The following ATXN3 variants were observed in gnomAD, a reference collection of about 807,000 sequenced individuals.
ATXN3 encodes the protein ataxin 3.
ATXN3 carries 28 observed loss-of-function variants against 58.2 expected under a neutral mutation model. The observed-to-expected ratio is 0.48, with a 90% CI of 0.36 to 0.66. The LOEUF is 0.66. Ranked by LOEUF, ATXN3 falls within the 30% of genes least tolerant of loss-of-function variation. ATXN3 has a pLI of 0.00. For missense variants in ATXN3, 321 were observed against 422.1 expected (o/e 0.76, Z 2.10); for synonymous variants, 113 against 138.5 (o/e 0.82, Z 1.29).
intron 1 of ATXN3, among the ~76,000 whole-genome samples, chr14:92,097,910 CATTT>C (rs2065813307): frequency 6.6e-6 from 1 of 152,036 alleles, no homozygotes; most frequent in South Asian, 2.1e-4. Flanking sequence ...CATTTGGTAA[CATTT>C]ATTTTACAAA....
chr14:92,070,960 A>AC lies in ATXN3; in HGVS notation c.965dup (p.Ser322ArgfsTer8). On this transcript the variant is annotated frameshift_variant, in exon 10 of 11. Coordinates refer to ENST00000644486, the MANE Select transcript of ATXN3 (RefSeq NM_004993.6). LOFTEE classifies it high-confidence loss of function. ...CTAGATCACTCCCAAGTGCTCCTGA[A>AC]CTGGTGGCTGGCCTTTCACATGGAT... The AC allele has an allele frequency of 1.4e-6, 2 of 1,414,520 alleles. No individual in the cohort carries two copies. The highest frequency in any genetic ancestry group is 1.9e-6 in the Non-Finnish European group (2 of 1,080,796). 87.6% of individuals were successfully genotyped at this position (1,414,520 alleles called of 1,614,324 possible). A position where few individuals can be genotyped will look rare whatever the true frequency, so the allele number is the denominator to read the frequency against.
chr14:92,076,417 C>T (rs1167879325), intron 9 of ATXN3, among the ~76,000 whole-genome samples: 1 of 139,806 alleles, frequency 7.2e-6, no homozygotes, highest in African/African-American at 2.7e-5. Context: ...CACTGCACTC[C>T]AGACTGGGTG....
upstream of ATXN3, chr14:92,050,219 C>T (rs2057443545): frequency 6.6e-6 from 1 of 151,656 alleles, no homozygotes; most frequent in Non-Finnish European, 1.5e-5. Flanking sequence ...ATAGGTGAAA[C>T]AAGAATTGTC....
chr14:92,057,717 A>T (rs1381021152), downstream of ATXN3, among the ~76,000 whole-genome samples: 1 of 152,196 alleles, frequency 6.6e-6, no homozygotes, highest in African/African-American at 2.4e-5. Flanking sequence ...TTCCTCAATC[A>T]GTCTAGGTGG....
Position 92,059,326 on chromosome 14 carries a change from C to A in ATXN3, c.*4994G>T, listed in dbSNP as rs1165295354. On this transcript the variant is annotated 3_prime_UTR_variant, in exon 11 of 11. Coordinates refer to ENST00000644486, the MANE Select transcript of ATXN3 (RefSeq NM_004993.6). ...TATTATGTTTAAGACTAAAAAAATA[C>A]AAAGCCAGGTCATTTTTTAAAGCAA... 4 of 152,012 alleles carry A rather than the reference C, an allele frequency of 2.6e-5. No homozygotes were observed. Among genetic ancestry groups the A allele is most frequent in the Non-Finnish European group, 5.9e-5 (4 of 67,992 alleles). The allele number at this position is 152,012 out of a possible 1,614,324, so 9.4% of individuals were successfully genotyped here.
intron 10 of ATXN3, among the ~76,000 whole-genome samples, chr14:92,067,990 T>C (rs1440356438): frequency 6.6e-6 from 1 of 152,090 alleles, no homozygotes; most frequent in East Asian, 1.9e-4. Context: ...TTGTTACTGA[T>C]CTCCACATGG....
rs1309706318 is a variant in ATXN3, at chr14:92,082,334, T to A, written c.741A>T (p.Ala247=). The A allele has an allele frequency of 6.2e-7, 1 of 1,614,210 alleles. No homozygotes were observed. The highest frequency in any genetic ancestry group is 1.1e-5 in the South Asian group (1 of 91,078). Residue 247 remains alanine (A), a synonymous_variant, in exon 8 of 11, where the codon GCA becomes GCT. Transcript: ENST00000644486. ...RQEIDMEDEE[A]DLRRAIQLSM... ...TTAGCTGAATAGCCCTGCGGAGATC[T>A]GCTTCCTCATCTTCCATGTCAATTT... is the stretch of plus-strand genomic sequence containing the variant.
chr14:92,098,810 G>A (rs1047054977), intron 1 of ATXN3, among the ~76,000 whole-genome samples: 3 of 152,190 alleles, frequency 2.0e-5, no homozygotes, highest in Admixed American at 2.0e-4. Flanking sequence ...GGACAAGCCA[G>A]CAAGAGGGAC....
At position 92,058,997 on chromosome 14, in the gene ATXN3, A is replaced by G. The variant is rs980822070; in HGVS notation, c.*5323T>C. 1 of 151,918 alleles carries G rather than the reference A, an allele frequency of 6.6e-6. No homozygotes were observed. Among genetic ancestry groups the G allele is most frequent in the Non-Finnish European group, 1.5e-5 (1 of 68,008 alleles). The allele number at this position is 151,918 out of a possible 1,614,324, so 9.4% of individuals were successfully genotyped here. ...TCAGAAAACATTCCTTGAACTATGC[A>G]AGAGACAATTGAGAGCTTCCTAAAT... On this transcript the variant is annotated 3_prime_UTR_variant, in exon 11 of 11. Transcript: ENST00000644486.
intron 1 of ATXN3, among the ~76,000 whole-genome samples, chr14:92,099,565 T>C (rs1595992651): frequency 2.0e-5 from 3 of 152,238 alleles, no homozygotes; most frequent in South Asian, 4.1e-4. Flanking sequence ...GTTCTACTTA[T>C]ATCCTTTTGA....
intron 1 of ATXN3, among the ~76,000 whole-genome samples, chr14:92,100,356 A>T (rs766718545): frequency 2.0e-5 from 3 of 152,184 alleles, no homozygotes; most frequent in South Asian, 2.1e-4. Context: ...TTGTGCCACA[A>T]ATAGCATTAC....
In ATXN3 at chr14:92,064,426, C is replaced by G; in HGVS notation, c.992-12G>C. The stretch of plus-strand genomic sequence containing the variant: ...ACTCATAGCATCACCTGTTGGGAAA[C>G]AAAACCACATTTCTTTAAAATTTCC... On this transcript the variant is annotated splice_polypyrimidine_tract_variant and intron_variant, in intron 10 of 10. Transcript: ENST00000644486. 1 of 1,576,506 alleles carries G rather than the reference C, an allele frequency of 6.3e-7. No individual in the cohort carries two copies. Among genetic ancestry groups the G allele is most frequent in the Non-Finnish European group, 8.7e-7 (1 of 1,154,532 alleles).
intron 2 of ATXN3, chr14:92,096,387 G>A (rs1290568493): frequency 8.6e-7 from 1 of 1,167,784 alleles, no homozygotes; most frequent in East Asian, 2.6e-5. Flanking sequence ...CACTTTGGGA[G>A]GCCAAGACAG....
chr14:92,058,370 C>T (rs1266338552), downstream of ATXN3: 1 of 152,110 alleles, frequency 6.6e-6, no homozygotes, highest in African/African-American at 2.4e-5. Flanking sequence ...CCTGTTTTGT[C>T]GCCCAGGCTA....
At chr14:92,106,317 C>T (rs2068363031) in intron 1 of ATXN3, among the ~76,000 whole-genome samples, 1 of 152,010 alleles carries the variant, frequency 6.6e-6, no homozygotes, top group African/African-American at 2.4e-5. Context: ...TCCCTCCCGG[C>T]TCCCAGGGCG....
At position 92,070,936 on chromosome 14, in the gene ATXN3, T is replaced by C. The variant is rs760999964; in HGVS notation, c.990A>G (p.Leu330=). 6 of 1,612,428 alleles carry C rather than the reference T, an allele frequency of 3.7e-6. No homozygotes were observed. The Admixed American group carries it at 1.0e-4, about 27-fold the overall frequency. The change falls in exon 10 of 11, where the codon CTA becomes CTG. Residue 330 remains leucine (L), a splice_region_variant and synonymous_variant. Transcript: ENST00000644486. ...TGATGAATGGTGAGCAGGCCTTACC[T>C]AGATCACTCCCAAGTGCTCCTGAAC... ...ATSSGALGSD[L]GDAMSEEDML...
In ATXN3 at chr14:92,070,923, A is replaced by G. The variant is rs1382389002; in HGVS notation, c.991+12T>C. The G allele has an allele frequency of 1.2e-6, 2 of 1,612,972 alleles. No homozygotes were observed. The highest frequency in any genetic ancestry group is 1.7e-6 in the Non-Finnish European group (2 of 1,179,778). ...AAGGTAGCGAACATGATGAATGGTG[A>G]GCAGGCCTTACCTAGATCACTCCCA... is the stretch of plus-strand genomic sequence containing the variant. On this transcript the variant is annotated intron_variant, in intron 10 of 10. Transcript: ENST00000644486.
intron 9 of ATXN3, among the ~76,000 whole-genome samples, chr14:92,072,508 G>C (rs1008941980): frequency 3.9e-5 from 6 of 152,136 alleles, no homozygotes; most frequent in African/African-American, 1.4e-4. Flanking sequence ...GATTTGGAAT[G>C]CTTAACTGGT....
chr14:92,051,714 C>CTTTTTTTTTTTTTTTTTTTTTT (rs1309210142), upstream of ATXN3, among the ~76,000 whole-genome samples: 1 of 35,294 alleles, frequency 2.8e-5, no homozygotes, highest in Non-Finnish European at 6.7e-5. Flanking sequence ...TCTTCTTTTC[C>CTTTTTTTTTTTTTTTTTTTTTT]TTTCTTTTTT....
Sources: gnomAD v4.1 joint callset for allele counts (sites outside exome capture counted in the v4.1 genomes callset) on GRCh38, gnomAD v4.1.1 for gene constraint, MANE v1.5 for transcripts, NCBI Gene and HGNC (gene_info 2026-07-23, HGNC 2026-07-21) for gene names.